HDAC11: variants seen among roughly 807,000 people sequenced by gnomAD.
HDAC11 encodes histone deacetylase 11.
A neutral mutation model predicts 41.1 loss-of-function variants in HDAC11; 23 were observed. That is an observed-to-expected ratio of 0.56 (90% CI 0.40 to 0.79). The LOEUF (loss-of-function observed/expected upper bound fraction) is 0.79, where lower values mean the gene tolerates loss of function less well. Ranked by LOEUF, HDAC11 falls within the 30% of genes least tolerant of loss-of-function variation. HDAC11 has a pLI of 0.00. For missense variants in HDAC11, 402 were observed against 477.3 expected, an observed-to-expected ratio of 0.84 and a Z score of 1.47; for synonymous variants, 187 against 186.6, an observed-to-expected ratio of 1.00 and a Z score of -0.02.
At chr3:13,482,972 A>T (rs1379343823) in intron 2 of HDAC11, among the ~76,000 whole-genome samples, 1 of 151,264 alleles carries the variant, frequency 6.6e-6, no homozygotes, top group African/African-American at 2.4e-5. Context: ...GCTGGTCTTG[A>T]ACTCCTGGGC....
chr3:13,501,637 G>A (rs1332455329), intron 6 of HDAC11: 1 of 704,938 alleles, frequency 1.4e-6, no homozygotes, highest in South Asian at 1.5e-5. Context: ...CAGGGCACAG[G>A]ACATGCCCCC....
In HDAC11 at chr3:13,502,456, C is replaced by T; in HGVS notation, c.553-428C>T. Reference sequence around the variant, plus strand: ...TCAGACAGGGAGGGGACCCAGTGGGCTCCGGAAGGCACCCCCCTGCACCAT... The same window carrying T: ...TCAGACAGGGAGGGGACCCAGTGGGTTCCGGAAGGCACCCCCCTGCACCAT... On this transcript the variant is annotated intron_variant, in intron 7 of 9. Transcript: ENST00000295757. The surrounding 1 kb of genome is among the most constrained non-coding windows in gnomAD (Gnocchi z 4.1). 5.2e-6 allele frequency: 1 copy of T among 190,920 alleles called. No individual in the cohort carries two copies. Among genetic ancestry groups the T allele is most frequent in the South Asian group, 1.2e-4 (1 of 8,592 alleles). 11.8% of individuals were successfully genotyped at this position (190,920 alleles called of 1,614,324 possible). A position where few individuals can be genotyped will look rare whatever the true frequency, so the allele number is the denominator to read the frequency against.
Position 13,504,496 on chromosome 3 carries a change from T to C in HDAC11, c.857T>C (p.Phe286Ser). 6.2e-7 allele frequency: 1 copy of C among 1,613,358 alleles called. No homozygotes were observed. Among genetic ancestry groups the C allele is most frequent in the Non-Finnish European group, 8.5e-7 (1 of 1,179,992 alleles). The change falls in exon 10 of 10, where the codon TTC becomes TCC. Residue 286 changes from phenylalanine to serine, a missense_variant. Transcript: ENST00000295757. Reference protein sequence around the residue: ...AGIVKRDELVFRMVRGRRVPI... With the variant: ...AGIVKRDELVSRMVRGRRVPI... ...ATCGTGAAGCGGGATGAGCTGGTGT[T>C]CCGGATGGTCCGTGGCCGCCGGGTG...
Position 13,502,016 on chromosome 3 carries a change from C to T in HDAC11, c.552+83C>T, listed in dbSNP as rs1453309699. 9.1e-7 allele frequency: 1 copy of T among 1,104,082 alleles called. No homozygotes were observed. The highest frequency in any genetic ancestry group is 1.4e-6 in the Non-Finnish European group (1 of 727,340). 68.4% of individuals were successfully genotyped at this position (1,104,082 alleles called of 1,614,324 possible). Reference sequence around the variant, plus strand: ...CTTCCCGGGGCAGGAGAGTCTCCCTCCTCATGTCCCCACGGCTCTCACGGC... The same window carrying T: ...CTTCCCGGGGCAGGAGAGTCTCCCTTCTCATGTCCCCACGGCTCTCACGGC... On this transcript the variant is annotated intron_variant, in intron 7 of 9. Transcript: ENST00000295757. The surrounding 1 kb of genome is among the most constrained non-coding windows in gnomAD (Gnocchi z 4.1).
chr3:13,480,987 T>C lies in HDAC11; in HGVS notation c.3-259T>C. 1.9e-6 allele frequency: 1 copy of C among 530,042 alleles called. No homozygotes were observed. The highest frequency in any genetic ancestry group is 3.4e-5 in the East Asian group (1 of 29,816). 32.8% of individuals were successfully genotyped at this position (530,042 alleles called of 1,614,324 possible). On this transcript the variant is annotated intron_variant, in intron 1 of 9. Transcript: ENST00000295757. This position sits in a 1 kb window ranked among gnomAD's most constrained non-coding sequence, Gnocchi z 4.6. ...TTCTCCACAGACCTGCACTGTGACC[T>C]TGGGCACACCTGGTCTGCTCTCTGA... is the stretch of plus-strand genomic sequence containing the variant.
chr3:13,494,312 A>G (rs1295815425), intron 3 of HDAC11, among the ~76,000 whole-genome samples: 5 of 152,104 alleles, frequency 3.3e-5, no homozygotes, highest in African/African-American at 1.2e-4. Flanking sequence ...TTCATGGAAA[A>G]CCATGGTTCC....
At chr3:13,490,178 G>C (rs1701784148) in intron 3 of HDAC11, among the ~76,000 whole-genome samples, 1 of 152,066 alleles carries the variant, frequency 6.6e-6, no homozygotes, top group Non-Finnish European at 1.5e-5. Flanking sequence ...ATTTTTAGTA[G>C]AGATGAGGTC....
At position 13,490,025 on chromosome 3, in the gene HDAC11, G is replaced by T. The variant is rs148803504; in HGVS notation, c.252+6461G>T. ...TTTTTTTTTTTTGAGACGCAGTCTC[G>T]CTTTGTCGCCTATGCTGGAGTGCAA... is the stretch of plus-strand genomic sequence containing the variant. On this transcript the variant is annotated intron_variant, in intron 3 of 9. Transcript: ENST00000295757. Among the ~76,000 whole-genome samples the T allele has an allele frequency of 4.8e-3, 724 of 150,000 alleles. 6 individuals are homozygous for T. Among genetic ancestry groups the T allele is most frequent in the African/African-American group, 0.017 (683 of 40,640 alleles).
chr3:13,481,220 TGC>T (rs1559368151), intron 1 of HDAC11, 24 bp from the exon 2 acceptor site: 3 of 1,606,062 alleles, frequency 1.9e-6, no homozygotes, highest in Non-Finnish European at 2.6e-6. Context: ...GCCCCAGCTG[TGC>T]GTCTGTCTTT....
intron 8 of HDAC11, among the ~76,000 whole-genome samples, chr3:13,503,622 A>G (rs954882799): frequency 6.6e-6 from 1 of 152,248 alleles, no homozygotes; most frequent in South Asian, 2.1e-4. Context: ...TAAACTCATC[A>G]ATCAAAAGGC....
Position 13,505,219 on chromosome 3 carries a change from G to T in HDAC11, c.*536G>T. On this transcript the variant is annotated 3_prime_UTR_variant, in exon 10 of 10. Transcript: ENST00000295757. ...TGGAGCTAGGTCTCCAGGTGGGCCT[G>T]GTTCCCAGGCAGCAGGTGGGAACCC... The T allele has an allele frequency of 6.1e-6, 1 of 163,072 alleles. No homozygotes were observed. Among genetic ancestry groups the T allele is most frequent in the Non-Finnish European group, 1.4e-5 (1 of 73,620 alleles). 10.1% of individuals were successfully genotyped at this position (163,072 alleles called of 1,614,324 possible).
At chr3:13,490,761 T>C (rs944125448) in intron 3 of HDAC11, among the ~76,000 whole-genome samples, 3 of 139,296 alleles carry the variant, frequency 2.2e-5, no homozygotes, top group African/African-American at 8.0e-5. Context: ...TTTTTTTTTT[T>C]TTTTTTTTTA....
chr3:13,500,949 C>A (rs1702336331), intron 6 of HDAC11, among the ~76,000 whole-genome samples, 160 bp downstream of exon 6: 1 of 152,178 alleles, frequency 6.6e-6, no homozygotes, highest in Non-Finnish European at 1.5e-5. Context: ...GGAACTGAAT[C>A]CAGATCTGAC....
At chr3:13,497,513 C>T (rs1416146441) in intron 4 of HDAC11, among the ~76,000 whole-genome samples, 3 of 152,130 alleles carry the variant, frequency 2.0e-5, no homozygotes, top group African/African-American at 7.2e-5. Flanking sequence ...GAGAACTGAT[C>T]CTCCATGACT....
rs1702382029 is a variant in HDAC11, at chr3:13,501,860, C to A, written c.490-11C>A. On this transcript the variant is annotated splice_polypyrimidine_tract_variant and intron_variant, in intron 6 of 9. Coordinates refer to ENST00000295757, the MANE Select transcript of HDAC11 (RefSeq NM_024827.4). ...CCCAGATCCTCATGTCTACCCTCTCCTCCCTGGCAGTTTCTGTTTGAGCGT... is the reference window on the plus strand; with the variant it reads ...CCCAGATCCTCATGTCTACCCTCTCATCCCTGGCAGTTTCTGTTTGAGCGT... The A allele has an allele frequency of 3.7e-6, 6 of 1,613,614 alleles. No individual in the cohort carries two copies. The highest frequency in any genetic ancestry group is 4.2e-6 in the Non-Finnish European group (5 of 1,179,706).
chr3:13,502,330 C>T lies in HDAC11; in HGVS notation c.552+397C>T. On this transcript the variant is annotated intron_variant, in intron 7 of 9. Coordinates refer to ENST00000295757, the MANE Select transcript of HDAC11 (RefSeq NM_024827.4). This position sits in a 1 kb window ranked among gnomAD's most constrained non-coding sequence, Gnocchi z 4.1. ...GCCCACACACATGGCTTGGCTCGGG[C>T]ACCTGGGGTCACCATTTAAGAACTC... 4.6e-6 allele frequency: 1 copy of T among 215,760 alleles called. No homozygotes were observed. The highest frequency in any genetic ancestry group is 9.2e-6 in the Non-Finnish European group (1 of 108,490). The allele number at this position is 215,760 out of a possible 1,614,324, so 13.4% of individuals were successfully genotyped here.
chr3:13,503,884 G>GC (rs1702485971), intron 8 of HDAC11, among the ~76,000 whole-genome samples: 1 of 152,214 alleles, frequency 6.6e-6, no homozygotes, highest in Non-Finnish European at 1.5e-5. Context: ...CACCCCCAGG[G>GC]CAGTGTCTCA....
At chr3:13,486,506 C>T (rs1027930765) in intron 3 of HDAC11, among the ~76,000 whole-genome samples, 1 of 149,996 alleles carries the variant, frequency 6.7e-6, no homozygotes, top group Non-Finnish European at 1.5e-5. Context: ...CAGGGAGGGC[C>T]TCACAGAGGA....
At position 13,502,862 on chromosome 3, in the gene HDAC11, G is replaced by A. The variant is rs767957512; in HGVS notation, c.553-22G>A. On this transcript the variant is annotated intron_variant, in intron 7 of 9. Coordinates refer to ENST00000295757, the MANE Select transcript of HDAC11 (RefSeq NM_024827.4). This position sits in a 1 kb window ranked among gnomAD's most constrained non-coding sequence, Gnocchi z 4.1. Reference sequence around the variant, plus strand: ...TTGCCTAGGGCACCTACCCGAGAGCGGCTACTGTGACCTCCCCACAGGGCA... The same window carrying A: ...TTGCCTAGGGCACCTACCCGAGAGCAGCTACTGTGACCTCCCCACAGGGCA... The A allele has an allele frequency of 1.4e-5, 22 of 1,602,486 alleles. No homozygotes were observed. Among genetic ancestry groups the A allele is most frequent in the Non-Finnish European group, 1.7e-5 (20 of 1,170,512 alleles).
Sources: allele counts gnomAD v4.1 joint callset (sites outside exome capture counted in the v4.1 genomes callset), GRCh38; gene constraint gnomAD v4.1.1; non-coding constraint Gnocchi (gnomAD v3.1); transcripts MANE v1.5; gene names NCBI Gene and HGNC (gene_info 2026-07-23, HGNC 2026-07-21).